Variants in NONO observed in about 807,000 individuals in gnomAD.
The protein encoded by NONO is non-POU domain-containing octamer-binding protein.
In NONO, 6 loss-of-function variants were observed where a neutral mutation model predicts 40.2. The observed-to-expected ratio is 0.15, with a 90% CI of 0.08 to 0.29. NONO has a LOEUF of 0.29. Ranked by LOEUF, NONO falls within the 10% of genes least tolerant of loss-of-function variation. The probability of loss-of-function intolerance (pLI) is 1.00; values close to 1 mark genes in which losing one functional copy is unlikely to be tolerated. For missense variants in NONO, 133 were observed against 397.8 expected (o/e 0.33, Z 5.66); for synonymous variants, 89 against 123.3 (o/e 0.72, Z 1.85).
At chrX:71,285,705 AT>A (rs2031173868) in intron 2 of NONO, among the ~76,000 whole-genome samples, 1 of 112,334 alleles carries the variant, frequency 8.9e-6, no homozygotes, top group Non-Finnish European at 1.9e-5. Flanking sequence ...ACAAGGGTGC[AT>A]TATCAGTTAC....
chrX:71,296,077 CTG>C (rs1363770040), intron 5 of NONO, among the ~76,000 whole-genome samples: 3 of 110,120 alleles, frequency 2.7e-5, no homozygotes, highest in Non-Finnish European at 5.7e-5. Context: ...CTTTTTGAGA[CTG>C]TATTCAGAGA....
rs951585954 is a variant in NONO, at chrX:71,296,470, G to A, written c.651-95G>A. 4.9e-6 allele frequency: 3 copies of A among 607,306 alleles called. No individual in the cohort carries two copies. The Admixed American group carries it at 1.2e-4, about 25-fold the overall frequency. The allele number at this position is 607,306 out of a possible 1,213,427, so 50.0% of individuals were successfully genotyped here. A position where few individuals can be genotyped will look rare whatever the true frequency, so the allele number is the denominator to read the frequency against. ...AAAAACTTCAGAAGCCTCCAATCCT[G>A]AGCCCTAGCTAATTCATTGTGCCAG... On this transcript the variant is annotated intron_variant, in intron 5 of 11. Coordinates refer to ENST00000276079, the MANE Select transcript of NONO (RefSeq NM_007363.5).
In NONO at chrX:71,296,552, T is replaced by C; in HGVS notation, c.651-13T>C. 1 of 1,164,086 alleles carries C rather than the reference T, an allele frequency of 8.6e-7. No individual in the cohort carries two copies. On this transcript the variant is annotated splice_polypyrimidine_tract_variant and intron_variant, in intron 5 of 11. Transcript: ENST00000276079. ...ATGATTTGATTAACACTGAACTTTG[T>C]TCTTTCTTCCAGATTTCCTCGTCCT...
At chrX:71,287,964 C>CCAGCTGCTGCCTCAG (rs1447411443) in intron 2 of NONO, among the ~76,000 whole-genome samples, 10 of 101,447 alleles carry the variant, frequency 9.9e-5, no homozygotes, top group Non-Finnish European at 1.6e-4. Flanking sequence ...GCCTCAGCCT[C>CCAGCTGCTGCCTCAG]CCAAAGTGCT....
At chrX:71,288,995 A>G (rs1373651434) in intron 2 of NONO, among the ~76,000 whole-genome samples, 1 of 112,427 alleles carries the variant, frequency 8.9e-6, no homozygotes, top group African/African-American at 3.2e-5. Flanking sequence ...GTGGGCTAGG[A>G]TTGGTAGGTA....
intron 2 of NONO, among the ~76,000 whole-genome samples, chrX:71,285,400 A>G (rs1430007641): frequency 9.0e-6 from 1 of 111,519 alleles, no homozygotes; most frequent in Non-Finnish European, 1.9e-5. Flanking sequence ...ACACCTGCTC[A>G]TGGCGTTTAA....
At position 71,300,358 on chromosome X, in the gene NONO, G is replaced by C. The variant is rs1410524787; in HGVS notation, c.*282G>C. Reference sequence around the variant, plus strand: ...GGGAAACCATGGCAAAGTGGATCCAGTTAGAGCCCATTAATCTTGATCATT... The same window carrying C: ...GGGAAACCATGGCAAAGTGGATCCACTTAGAGCCCATTAATCTTGATCATT... On this transcript the variant is annotated 3_prime_UTR_variant, in exon 12 of 12. Coordinates refer to ENST00000276079, the MANE Select transcript of NONO (RefSeq NM_007363.5). 4 of 330,156 alleles carry C rather than the reference G, an allele frequency of 1.2e-5. No homozygotes were observed. The allele number at this position is 330,156 out of a possible 1,213,427, so 27.2% of individuals were successfully genotyped here.
Position 71,297,932 on chromosome X carries a change from T to C in NONO, c.1125T>C (p.Pro375=). The C allele has an allele frequency of 8.6e-7, 1 of 1,159,916 alleles. No individual in the cohort carries two copies. Among genetic ancestry groups the C allele is most frequent in the Non-Finnish European group, 1.2e-6 (1 of 848,780 alleles). Residue 375 remains proline, a synonymous_variant, in exon 9 of 12, where the codon CCT becomes CCC. Coordinates refer to ENST00000276079, the MANE Select transcript of NONO (RefSeq NM_007363.5). ...AGGAAGGATTCAAGGGAACCTTCCC[T>C]GATGCGGTATATCTCCCATGTGCCC... The part of the protein sequence containing the change: ...RQQEGFKGTF[P]DAREQEIRMG...
At chrX:71,287,358 A>C (rs773566130) in intron 2 of NONO, among the ~76,000 whole-genome samples, 23 of 110,132 alleles carry the variant, frequency 2.1e-4, no homozygotes, top group Non-Finnish European at 4.2e-4. Flanking sequence ...TGGGATTACC[A>C]GTGTGAGCCA....
intron 10 of NONO, 97 bp downstream of exon 10, chrX:71,298,605 T>A (rs749123459): frequency 1.9e-6 from 2 of 1,047,278 alleles, no homozygotes; most frequent in Non-Finnish European, 2.7e-6. Flanking sequence ...GGGTGACATA[T>A]ATGTCTTACT....
At chrX:71,297,254 C>A in intron 7 of NONO, 123 bp from the exon 8 acceptor site, 1 of 724,522 alleles carries the variant, frequency 1.4e-6, no homozygotes, top group Non-Finnish European at 2.0e-6. Context: ...ATTTTGGAAT[C>A]TGGACACCAC....
intron 7 of NONO, 35 bp from the exon 8 acceptor site, chrX:71,297,342 C>T (rs1196300550): frequency 9.2e-7 from 1 of 1,083,387 alleles, no homozygotes. Context: ...TATATGAAGA[C>T]AATGAGGAAT....
At chrX:71,287,778 G>C (rs2031223959) in intron 2 of NONO, among the ~76,000 whole-genome samples, 1 of 109,313 alleles carries the variant, frequency 9.1e-6, no homozygotes, top group African/African-American at 3.3e-5. Flanking sequence ...CCTCTTCGTG[G>C]GTTCAAGTGA....
chrX:71,297,935 T>C lies in NONO; in HGVS notation c.1128T>C (p.Asp376=). The C allele has an allele frequency of 8.6e-7, 1 of 1,157,288 alleles. No homozygotes were observed. Among genetic ancestry groups the C allele is most frequent in the South Asian group, 1.8e-5 (1 of 55,158 alleles). ...AAGGATTCAAGGGAACCTTCCCTGA[T>C]GCGGTATATCTCCCATGTGCCCGTG... is the stretch of plus-strand genomic sequence containing the variant. ...QQEGFKGTFP[D]AREQEIRMGQ... The change falls in exon 9 of 12, where the codon GAT becomes GAC. Residue 376 remains aspartate, a synonymous_variant. Coordinates refer to ENST00000276079, the MANE Select transcript of NONO (RefSeq NM_007363.5).
intron 7 of NONO, 56 bp downstream of exon 7, chrX:71,297,103 G>A: frequency 4.0e-6 from 4 of 1,003,050 alleles, no homozygotes; most frequent in Non-Finnish European, 4.0e-6. Context: ...ATTTTTAAAT[G>A]GGTTTCTTTG....
intron 2 of NONO, chrX:71,285,043 C>G (rs896391871): frequency 5.3e-5 from 6 of 112,331 alleles, no homozygotes; most frequent in Admixed American, 4.8e-4. Flanking sequence ...GCACATATTT[C>G]CAAATTATAT....
chrX:71,289,056 T>A (rs2031264517), intron 2 of NONO, among the ~76,000 whole-genome samples: 1 of 112,013 alleles, frequency 8.9e-6, no homozygotes, highest in Non-Finnish European at 1.9e-5. Flanking sequence ...AACCAGAATC[T>A]ATTTCGATCA....
At chrX:71,291,123 G>A (rs1297521010) in intron 3 of NONO, among the ~76,000 whole-genome samples, 1 of 112,089 alleles carries the variant, frequency 8.9e-6, no homozygotes, top group Non-Finnish European at 1.9e-5. Flanking sequence ...AGTCTTTAAG[G>A]CTTAAATGGA....
chrX:71,292,280 C>G, intron 4 of NONO: 1 of 128,991 alleles, frequency 7.8e-6, no homozygotes, highest in Admixed American at 8.7e-5. Context: ...TCACTGCAAC[C>G]TCCACCTCCC....
Sources: gnomAD v4.1 joint callset for allele counts (sites outside exome capture counted in the v4.1 genomes callset) on GRCh38, gnomAD v4.1.1 for gene constraint, MANE v1.5 for transcripts, NCBI Gene and HGNC (gene_info 2026-07-23, HGNC 2026-07-21) for gene names.